The following CDC14B variants were observed in gnomAD, a reference collection of about 807,000 sequenced individuals.
The protein encoded by CDC14B is cell division cycle 14B.
In CDC14B, 22 loss-of-function variants were observed where a neutral mutation model predicts 64.2. That is an observed-to-expected ratio of 0.34 (90% CI 0.24 to 0.49). CDC14B has a LOEUF of 0.49. Ranked by LOEUF, CDC14B falls within the 20% of genes least tolerant of loss-of-function variation. The probability of loss-of-function intolerance (pLI) is 0.99; values close to 1 mark genes in which losing one functional copy is unlikely to be tolerated. For synonymous variants in CDC14B, 191 were observed against 215.8 expected, an observed-to-expected ratio of 0.89 and a Z score of 1.01; for missense variants, 498 against 629.9, an observed-to-expected ratio of 0.79 and a Z score of 2.24.
In CDC14B at chr9:96,534,435, A is replaced by G. The variant is rs778155146; in HGVS notation, c.715+20T>C. On this transcript the variant is annotated intron_variant, in intron 8 of 13. Transcript: ENST00000375241. ...ATATTTTCAATAACAAAATGAGATT[A>G]ATGCCATAATTTCACATACCACTTT... 6.0e-6 allele frequency: 9 copies of G among 1,496,810 alleles called. No individual in the cohort carries two copies. The highest frequency in any genetic ancestry group is 7.5e-6 in the Non-Finnish European group (8 of 1,073,708). The allele number at this position is 1,496,810 out of a possible 1,614,324, so 92.7% of individuals were successfully genotyped here. A position where few individuals can be genotyped will look rare whatever the true frequency, so the allele number is the denominator to read the frequency against.
At chr9:96,611,833 C>T (rs1289028559) in intron 1 of CDC14B, among the ~76,000 whole-genome samples, 2 of 152,144 alleles carry the variant, frequency 1.3e-5, no homozygotes, top group East Asian at 3.8e-4. Context: ...TATTTTAAAA[C>T]ATATACAAGA....
At chr9:96,597,881 TAAA>T (rs1846190138) in intron 1 of CDC14B, among the ~76,000 whole-genome samples, 1 of 152,166 alleles carries the variant, frequency 6.6e-6, no homozygotes, top group African/African-American at 2.4e-5. Flanking sequence ...TATGTAAAAG[TAAA>T]ATTCATAAGG....
At chr9:96,579,785 C>T (rs1845032630) in intron 1 of CDC14B, among the ~76,000 whole-genome samples, 1 of 152,120 alleles carries the variant, frequency 6.6e-6, no homozygotes, top group Admixed American at 6.6e-5. Context: ...TTGTCTACAC[C>T]ACGCAGACTA....
chr9:96,615,631 G>A (rs1457013801), intron 1 of CDC14B, among the ~76,000 whole-genome samples: 1 of 152,184 alleles, frequency 6.6e-6, no homozygotes, highest in Non-Finnish European at 1.5e-5. Context: ...TGGAATAATT[G>A]GTGCATTGCT....
In CDC14B at chr9:96,507,348, A is replaced by G. The variant is rs371071173; in HGVS notation, c.1460+2325T>C. Among the ~76,000 whole-genome samples, 6 of 151,166 alleles carry G rather than the reference A, an allele frequency of 4.0e-5. No individual in the cohort carries two copies. The South Asian group carries it at 1.3e-3, about 32-fold the overall frequency. ...AAAAAAAGCCTGAGCACTCATACCT[A>G]AAAAGAATATGCCCCTTCAAGACAT... On this transcript the variant is annotated intron_variant, in intron 13 of 13. Transcript: ENST00000375241.
chr9:96,541,790 C>T, intron 6 of CDC14B, 36 bp downstream of exon 6: 2 of 1,464,058 alleles, frequency 1.4e-6, no homozygotes, highest in Non-Finnish European at 1.9e-6. Context: ...GTTAGTTCCT[C>T]AACACAACAC....
At chr9:96,526,521 TGA>T (rs1306036938) in intron 9 of CDC14B, among the ~76,000 whole-genome samples, 1 of 152,172 alleles carries the variant, frequency 6.6e-6, no homozygotes, top group Non-Finnish European at 1.5e-5. Flanking sequence ...TCCAGAACTG[TGA>T]GAGAATTAAC....
In CDC14B at chr9:96,590,943, T is replaced by G. The variant is rs561915591; in HGVS notation, c.161-25460A>C. 3.7e-4 allele frequency among the ~76,000 whole-genome samples: 56 copies of G among 152,338 alleles called. No homozygotes were observed. The South Asian group carries it at 4.6e-3, about 12-fold the overall frequency. ...ACTGTTGATTCAAGCCCTTTGCGTA[T>G]TTTTTAATTGGTTTGTTTTCATTTG... is the stretch of plus-strand genomic sequence containing the variant. On this transcript the variant is annotated intron_variant, in intron 1 of 13. Transcript: ENST00000375241.
chr9:96,615,254 C>G (rs7025129), intron 1 of CDC14B, among the ~76,000 whole-genome samples: 1 of 152,110 alleles, frequency 6.6e-6, no homozygotes, highest in South Asian at 2.1e-4. Context: ...TGAATGGCTC[C>G]GTGAGAGGTG....
In CDC14B at chr9:96,500,425, G is replaced by A. The variant is rs553051653; in HGVS notation, c.*3328C>T. 9.4e-4 allele frequency: 143 copies of A among 152,770 alleles called. No individual in the cohort carries two copies. The highest frequency in any genetic ancestry group is 3.4e-3 in the African/African-American group (141 of 41,588). The allele number at this position is 152,770 out of a possible 1,614,324, so 9.5% of individuals were successfully genotyped here. ...AAAACTTTTAATAATCTGTACATGA[G>A]TGCAGGTTAGATAAAAGTCTGCAAA... On this transcript the variant is annotated 3_prime_UTR_variant, in exon 14 of 14. Coordinates refer to ENST00000375241, the MANE Select transcript of CDC14B (RefSeq NM_033331.4).
chr9:96,614,114 T>C (rs1439794166), intron 1 of CDC14B, among the ~76,000 whole-genome samples: 1 of 152,196 alleles, frequency 6.6e-6, no homozygotes, highest in African/African-American at 2.4e-5. Flanking sequence ...TCTTTAAAAG[T>C]TAGATCATGG....
At chr9:96,589,374 G>C (rs543826885) in intron 1 of CDC14B, among the ~76,000 whole-genome samples, 169 of 151,698 alleles carry the variant, frequency 1.1e-3, no homozygotes, top group African/African-American at 3.8e-3. Flanking sequence ...AGTATATTTG[G>C]TTTTTTGTTT....
At chr9:96,495,606 T>C (rs781307815), downstream of CDC14B, among the ~76,000 whole-genome samples, 5 of 152,246 alleles carry the variant, frequency 3.3e-5, no homozygotes, top group African/African-American at 4.8e-5. Flanking sequence ...TTGCATGTTT[T>C]GCTGGTGAGA....
In CDC14B at chr9:96,602,370, G is replaced by A. The variant is rs1002035584; in HGVS notation, c.160+16849C>T. ...AAGAATTACGTCTGTATTTTCAGCTGCTGAGATTTGGGGGTCTTATTTTTT... is the reference window on the plus strand; with the variant it reads ...AAGAATTACGTCTGTATTTTCAGCTACTGAGATTTGGGGGTCTTATTTTTT... On this transcript the variant is annotated intron_variant, in intron 1 of 13. Transcript: ENST00000375241. 2.0e-5 allele frequency among the ~76,000 whole-genome samples: 3 copies of A among 152,198 alleles called. 1 individual carries two copies. In the South Asian group the frequency reaches 6.2e-4, roughly 32 times the overall value.
chr9:96,566,647 A>C lies in CDC14B; in HGVS notation c.161-1164T>G, dbSNP rs553897295. ...CTGGGGACAAGTGCCGAGGCCACCC[A>C]CACGCAGGAGACAAGGGCGGCCGGG... On this transcript the variant is annotated intron_variant, in intron 1 of 13. Coordinates refer to ENST00000375241, the MANE Select transcript of CDC14B (RefSeq NM_033331.4). The C allele has an allele frequency of 9.7e-5, 90 of 927,170 alleles. No homozygotes were observed. The African/African-American group carries it at 1.3e-3, about 14-fold the overall frequency. 57.4% of individuals were successfully genotyped at this position (927,170 alleles called of 1,614,324 possible). A position where few individuals can be genotyped will look rare whatever the true frequency, so the allele number is the denominator to read the frequency against.
At chr9:96,531,398 T>C (rs529200322) in intron 9 of CDC14B, among the ~76,000 whole-genome samples, 18 of 152,328 alleles carry the variant, frequency 1.2e-4, no homozygotes, top group African/African-American at 4.3e-4. Flanking sequence ...CCATTTCATG[T>C]AGACTATCCA....
At chr9:96,540,786 G>A (rs1352530836) in intron 6 of CDC14B, among the ~76,000 whole-genome samples, 1 of 152,002 alleles carries the variant, frequency 6.6e-6, no homozygotes, top group Non-Finnish European at 1.5e-5. Flanking sequence ...TTGCCCTTTG[G>A]TCTCCTGATT....
rs764652462 is a variant in CDC14B, at chr9:96,551,785, CT to C, written c.497+10del. On this transcript the variant is annotated intron_variant, in intron 5 of 13. Coordinates refer to ENST00000375241, the MANE Select transcript of CDC14B (RefSeq NM_033331.4). ...GATTACCTGAATCTACCACATCATT[CT>C]TATATTTACCTGAAAGGAATATAGG... 3 of 1,605,732 alleles carry C rather than the reference CT, an allele frequency of 1.9e-6. No individual in the cohort carries two copies. In the Admixed American group the frequency reaches 5.1e-5, roughly 27 times the overall value.
chr9:96,506,380 A>G (rs1478486381), intron 13 of CDC14B, among the ~76,000 whole-genome samples: 2 of 152,248 alleles, frequency 1.3e-5, no homozygotes, highest in African/African-American at 2.4e-5. Context: ...GCTCCAGGCT[A>G]CAGCTTGGCT....
Sources: gnomAD v4.1 joint callset for allele counts (sites outside exome capture counted in the v4.1 genomes callset) on GRCh38, gnomAD v4.1.1 for gene constraint, MANE v1.5 for transcripts, NCBI Gene and HGNC (gene_info 2026-07-23, HGNC 2026-07-21) for gene names.